The following CAMKMT variants were observed in gnomAD, a reference collection of about 807,000 sequenced individuals.
CAMKMT encodes calmodulin-lysine N-methyltransferase, also known as CaM KMT.
A neutral mutation model predicts 48.0 loss-of-function variants in CAMKMT; 53 were observed. The ratio of observed to expected loss-of-function variants is 1.10; its 90% CI spans 0.89 to 1.39. The LOEUF is 1.39. CAMKMT is among the 40% of genes most tolerant of loss of function. The pLI, the probability that CAMKMT is intolerant of heterozygous loss-of-function variation, is 0.00. For synonymous variants in CAMKMT, 165 were observed against 152.3 expected, an observed-to-expected ratio of 1.08 and a Z score of -0.61; for missense variants, 428 against 402.7, an observed-to-expected ratio of 1.06 and a Z score of -0.54.
At chr2:44,565,707 CA>C (rs1239192065) in intron 3 of CAMKMT, among the ~76,000 whole-genome samples, 19 of 138,572 alleles carry the variant, frequency 1.4e-4, no homozygotes, top group East Asian at 2.1e-4. Flanking sequence ...ATTAAAAAAA[CA>C]AAAAAAAAAA....
At chr2:44,367,797 T>C (rs1218321825) in intron 1 of CAMKMT, among the ~76,000 whole-genome samples, 2 of 152,236 alleles carry the variant, frequency 1.3e-5, no homozygotes, top group African/African-American at 4.8e-5. Flanking sequence ...TAGAAATGTA[T>C]CTATCAAAGT....
chr2:44,713,756 A>G (rs569326009), intron 6 of CAMKMT, among the ~76,000 whole-genome samples: 32 of 152,292 alleles, frequency 2.1e-4, no homozygotes, highest in East Asian at 1.4e-3. Flanking sequence ...CTATCACAGT[A>G]CCTGCTTATT....
intron 3 of CAMKMT, among the ~76,000 whole-genome samples, chr2:44,590,397 T>C (rs1670185640): frequency 6.6e-6 from 1 of 152,184 alleles, no homozygotes; most frequent in Non-Finnish European, 1.5e-5. Context: ...AGAATTTTCT[T>C]TGTGGGAAAG....
At chr2:44,626,648 G>T (rs1672499525) in intron 3 of CAMKMT, among the ~76,000 whole-genome samples, 1 of 152,034 alleles carries the variant, frequency 6.6e-6, no homozygotes, top group Admixed American at 6.6e-5. Flanking sequence ...GCTCTTTGGG[G>T]TCTTCTTTAT....
At chr2:44,730,082 G>T (rs1041428016) in intron 7 of CAMKMT, among the ~76,000 whole-genome samples, 1 of 152,184 alleles carries the variant, frequency 6.6e-6, no homozygotes, top group South Asian at 2.1e-4. Flanking sequence ...AGGAGAAAAA[G>T]AAGAAGAGGA....
intron 7 of CAMKMT, among the ~76,000 whole-genome samples, chr2:44,732,771 T>G (rs1679149933): frequency 6.6e-6 from 1 of 152,234 alleles, no homozygotes; most frequent in Non-Finnish European, 1.5e-5. Flanking sequence ...TTGGGTTGCT[T>G]GTTTTTCTTA....
intron 3 of CAMKMT, among the ~76,000 whole-genome samples, chr2:44,474,678 G>T (rs1668595016): frequency 6.6e-6 from 1 of 152,068 alleles, no homozygotes. Context: ...TTCAAATTCA[G>T]CAAACAACTG....
At chr2:44,456,582 G>A in intron 3 of CAMKMT, 1 of 1,549,470 alleles carries the variant, frequency 6.5e-7, no homozygotes, top group Non-Finnish European at 8.7e-7. Context: ...AGCAACCAGG[G>A]GAAAATGAAG....
chr2:44,545,136 C>G lies in CAMKMT; in HGVS notation c.376+154831C>G, dbSNP rs533592090. 2.9e-3 allele frequency among the ~76,000 whole-genome samples: 442 copies of G among 152,276 alleles called. 3 individuals carry two copies. The highest frequency in any genetic ancestry group is 0.01 in the African/African-American group (421 of 41,560). ...TTAGAACTTAGCAGCTGCTAGCTTTCCCTTACATAGACCTCAAGGCTCTGT... is the reference window on the plus strand; with the variant it reads ...TTAGAACTTAGCAGCTGCTAGCTTTGCCTTACATAGACCTCAAGGCTCTGT... On this transcript the variant is annotated intron_variant, in intron 3 of 10. Transcript: ENST00000378494.
intron 3 of CAMKMT, among the ~76,000 whole-genome samples, chr2:44,406,732 G>A (rs1682807211): frequency 6.6e-6 from 1 of 152,126 alleles, no homozygotes; most frequent in South Asian, 2.1e-4. Context: ...AAGTAGCTGG[G>A]ACTATGGAAG....
At chr2:44,560,563 T>C (rs1668269099) in intron 3 of CAMKMT, among the ~76,000 whole-genome samples, 1 of 152,202 alleles carries the variant, frequency 6.6e-6, no homozygotes, top group Non-Finnish European at 1.5e-5. Flanking sequence ...TGAGCCACGG[T>C]GCCCAGCAGG....
intron 3 of CAMKMT, among the ~76,000 whole-genome samples, chr2:44,670,534 C>T (rs1175210028): frequency 6.6e-6 from 1 of 152,084 alleles, no homozygotes; most frequent in Non-Finnish European, 1.5e-5. Context: ...TACCTATGGT[C>T]CTAGCCACTC....
At chr2:44,632,263 TTTTG>T (rs1209283808) in intron 3 of CAMKMT, among the ~76,000 whole-genome samples, 1 of 152,182 alleles carries the variant, frequency 6.6e-6, no homozygotes, top group Non-Finnish European at 1.5e-5. Context: ...TAATATCATC[TTTTG>T]TTTGTCAGGA....
intron 3 of CAMKMT, among the ~76,000 whole-genome samples, chr2:44,509,497 G>A (rs951840871): frequency 5.9e-5 from 9 of 152,046 alleles, no homozygotes; most frequent in African/African-American, 2.2e-4. Flanking sequence ...TTTTTGTAGA[G>A]ATGGGGTTTC....
chr2:44,596,900 G>C (rs915412357), intron 3 of CAMKMT, among the ~76,000 whole-genome samples: 4 of 152,058 alleles, frequency 2.6e-5, no homozygotes, highest in Admixed American at 2.6e-4. Context: ...TTGAACATTT[G>C]CTTCAACCTT....
intron 3 of CAMKMT, among the ~76,000 whole-genome samples, chr2:44,506,786 C>T (rs957105473): frequency 6.6e-6 from 1 of 152,118 alleles, no homozygotes; most frequent in Non-Finnish European, 1.5e-5. Context: ...TCAAAATTAA[C>T]TCTGTTTAAA....
At chr2:44,538,597 A>G (rs1572746084) in intron 3 of CAMKMT, among the ~76,000 whole-genome samples, 2 of 152,218 alleles carry the variant, frequency 1.3e-5, no homozygotes, top group African/African-American at 4.8e-5. Context: ...ACAGAGTGAT[A>G]TAATGGACTT....
At chr2:44,375,772 G>T (rs1679624915) in intron 2 of CAMKMT, among the ~76,000 whole-genome samples, 1 of 151,890 alleles carries the variant, frequency 6.6e-6, no homozygotes, top group Non-Finnish European at 1.5e-5. Flanking sequence ...TGGTGGATCT[G>T]CTCCAGGTTC....
At position 44,625,729 on chromosome 2, in the gene CAMKMT, C is replaced by G. The variant is rs567032309; in HGVS notation, c.377-78554C>G. On this transcript the variant is annotated intron_variant, in intron 3 of 10. Transcript: ENST00000378494. ...GTCGAGGTTCATTTTTTTTCCGTAC[C>G]GATATCCAGTTGTTCTAGCATTACT... Among the ~76,000 whole-genome samples the G allele has an allele frequency of 3.3e-5, 5 of 151,902 alleles. No homozygotes were observed. The South Asian group carries it at 8.3e-4, about 25-fold the overall frequency.
Sources: allele counts gnomAD v4.1 joint callset (sites outside exome capture counted in the v4.1 genomes callset), GRCh38; gene constraint gnomAD v4.1.1; transcripts MANE v1.5; gene names NCBI Gene and HGNC (gene_info 2026-07-23, HGNC 2026-07-21).